GATAD1: variants seen among roughly 807,000 people sequenced by gnomAD.
GATAD1 encodes the protein GATA zinc finger domain containing 1.
In GATAD1, 12 loss-of-function variants were observed where a neutral mutation model predicts 26.5. The ratio of observed to expected loss-of-function variants is 0.45; its 90% CI spans 0.29 to 0.73. GATAD1 has a LOEUF of 0.73. Ranked by LOEUF, GATAD1 falls within the 30% of genes least tolerant of loss-of-function variation. The pLI, the probability that GATAD1 is intolerant of heterozygous loss-of-function variation, is 0.10. For missense variants in GATAD1, 266 were observed against 342.1 expected, an observed-to-expected ratio of 0.78 and a Z score of 1.75; for synonymous variants, 129 against 133.1, an observed-to-expected ratio of 0.97 and a Z score of 0.21.
the GATAD1 span, chr7:92,469,409 T>C: frequency 1.3e-6 from 1 of 771,428 alleles, no homozygotes; most frequent in Non-Finnish European, 2.4e-6. Context: ...CCTGCTCCTA[T>C]AACAAAAGGA....
chr7:92,493,093 A>T, the GATAD1 span: 1 of 1,612,210 alleles, frequency 6.2e-7, no homozygotes, highest in Non-Finnish European at 8.5e-7. Context: ...AGAGGTAGAG[A>T]GTCACTGAGG....
At chr7:92,483,350 TCA>T in the GATAD1 span, among the ~76,000 whole-genome samples, 1 of 152,242 alleles carries the variant, frequency 6.6e-6, no homozygotes, top group South Asian at 2.1e-4. Context: ...GGGGTTTCTC[TCA>T]GAGTTGAGGC....
rs1003467338 is a variant in GATAD1 at position 92,447,501 on chromosome 7, C to T, written c.-229C>T. On this transcript the variant is annotated 5_prime_UTR_variant, in exon 1 of 5. Transcript: ENST00000287957. ...AGATCCCTTTCCCAGTCCTGCTTCC[C>T]AGTGCCTCGGGCCAGGGAATCCTGG... 4.1e-4 allele frequency: 151 copies of T among 370,744 alleles called. 2 individuals are homozygous for T. The highest frequency in any genetic ancestry group is 1.1e-4 in the Non-Finnish European group (24 of 214,940). 23.0% of individuals were successfully genotyped at this position (370,744 alleles called of 1,614,324 possible). A position where few individuals can be genotyped will look rare whatever the true frequency, so the allele number is the denominator to read the frequency against.
At chr7:92,475,584 C>T in the GATAD1 span, among the ~76,000 whole-genome samples, 3 of 146,908 alleles carry the variant, frequency 2.0e-5, no homozygotes, top group Non-Finnish European at 4.5e-5. Flanking sequence ...GAGTTCCTTT[C>T]CAGGGTGCGT....
At chr7:92,489,784 G>A in the GATAD1 span, 89 of 1,613,966 alleles carry the variant, frequency 5.5e-5, no homozygotes, top group Non-Finnish European at 7.4e-5. Flanking sequence ...TTGTTCTTGT[G>A]TAAGTTCTTG....
Position 92,456,805 on chromosome 7 carries a change from T to G in GATAD1, c.*243T>G, listed in dbSNP as rs1789692965. On this transcript the variant is annotated 3_prime_UTR_variant, in exon 5 of 5. Transcript: ENST00000287957. The stretch of plus-strand genomic sequence containing the variant: ...AAGTTTTTCTCCTGCTACCTAGTAA[T>G]AAACAAATCATTGTTTATTACTGGT... 2.4e-6 allele frequency: 1 copy of G among 420,146 alleles called. No individual in the cohort carries two copies. Among genetic ancestry groups the G allele is most frequent in the Admixed American group, 4.2e-5 (1 of 23,982 alleles). The allele number at this position is 420,146 out of a possible 1,614,324, so 26.0% of individuals were successfully genotyped here. A position where few individuals can be genotyped will look rare whatever the true frequency, so the allele number is the denominator to read the frequency against.
rs1268376388 is a variant in GATAD1, at chr7:92,458,263, A to G, written c.*1701A>G. On this transcript the variant is annotated 3_prime_UTR_variant, in exon 5 of 5. Coordinates refer to ENST00000287957, the MANE Select transcript of GATAD1 (RefSeq NM_021167.5). ...TCAAAAATGAGACTTCGATCAAACC[A>G]TAAGATTTTATACTGCAGATAGTCA... is the stretch of plus-strand genomic sequence containing the variant. The G allele has an allele frequency of 6.6e-6, 1 of 152,248 alleles. No homozygotes were observed. The highest frequency in any genetic ancestry group is 1.5e-5 in the Non-Finnish European group (1 of 68,044). 9.4% of individuals were successfully genotyped at this position (152,248 alleles called of 1,614,324 possible). A position where few individuals can be genotyped will look rare whatever the true frequency, so the allele number is the denominator to read the frequency against.
Position 92,454,829 on chromosome 7 carries a change from A to G in GATAD1, c.619+144A>G, listed in dbSNP as rs1789600517. The G allele has an allele frequency of 6.8e-6, 4 of 586,388 alleles. No individual in the cohort carries two copies. In the Admixed American group the frequency reaches 1.5e-4, roughly 21 times the overall value. The allele number at this position is 586,388 out of a possible 1,614,324, so 36.3% of individuals were successfully genotyped here. A position where few individuals can be genotyped will look rare whatever the true frequency, so the allele number is the denominator to read the frequency against. ...AAACAACAGAAAGTCACTTTCTCAC[A>G]GTTGTGGAGGCTGAAGTCCAACATC... is the stretch of plus-strand genomic sequence containing the variant. On this transcript the variant is annotated intron_variant, in intron 4 of 4. Coordinates refer to ENST00000287957, the MANE Select transcript of GATAD1 (RefSeq NM_021167.5).
At chr7:92,451,165 C>G (rs1246857972) in intron 3 of GATAD1, among the ~76,000 whole-genome samples, 1 of 151,832 alleles carries the variant, frequency 6.6e-6, no homozygotes, top group African/African-American at 2.4e-5. Context: ...TAGAGTAGGC[C>G]CAGAGATTCT....
the GATAD1 span, among the ~76,000 whole-genome samples, chr7:92,473,725 A>G: frequency 1.4e-4 from 22 of 151,880 alleles, no homozygotes; most frequent in Non-Finnish European, 3.1e-4. Context: ...ACCCCCTCAG[A>G]TAGTGACAGA....
chr7:92,491,852 T>G, the GATAD1 span, among the ~76,000 whole-genome samples: 1 of 152,184 alleles, frequency 6.6e-6, no homozygotes, highest in Non-Finnish European at 1.5e-5. Context: ...TTTCTCATTA[T>G]AGAGAGCTCT....
downstream of GATAD1, among the ~76,000 whole-genome samples, chr7:92,460,359 A>G (rs1789874517): frequency 6.6e-6 from 1 of 152,158 alleles, no homozygotes; most frequent in Admixed American, 6.5e-5. Context: ...TGTGTGAGCC[A>G]TACCTTTGGT....
At chr7:92,470,296 G>A in the GATAD1 span, 3 of 778,118 alleles carry the variant, frequency 3.9e-6, no homozygotes, top group Admixed American at 1.7e-5. Context: ...GGAGCTACTG[G>A]TCATACAGCG....
At chr7:92,489,688 T>A in the GATAD1 span, 1 of 1,596,360 alleles carries the variant, frequency 6.3e-7, no homozygotes, top group African/African-American at 1.3e-5. Context: ...GTTTTAACAA[T>A]TATAATGAGG....
downstream of GATAD1, chr7:92,461,372 T>G (rs537824485): frequency 2.6e-4 from 39 of 152,378 alleles, no homozygotes; most frequent in Non-Finnish European, 5.4e-4. Flanking sequence ...AGCAACAGCC[T>G]TACACAGAGT....
rs200608757 is a variant in GATAD1 at position 92,448,876 on chromosome 7, A to T, written c.374A>T (p.Asn125Ile). 3.7e-6 allele frequency: 6 copies of T among 1,611,672 alleles called. No individual in the cohort carries two copies. The highest frequency in any genetic ancestry group is 5.1e-6 in the Non-Finnish European group (6 of 1,177,860). The part of the protein sequence containing the change: ...KGRRHIFKLK[N>I]PIKAPESVST... ...AGAAGACATATATTTAAATTGAAAAATGTAAGATATTTGTGGACAGTGCCT... is the reference window on the plus strand; with the variant it reads ...AGAAGACATATATTTAAATTGAAAATTGTAAGATATTTGTGGACAGTGCCT... Residue 125 changes from asparagine to isoleucine, a missense_variant and splice_region_variant, in exon 2 of 5, where the codon AAT becomes ATT. Asn to Ile is a moderately radical substitution (Grantham distance 149). Transcript: ENST00000287957.
At position 92,454,736 on chromosome 7, in the gene GATAD1, A is replaced by G. The variant is rs750493137; in HGVS notation, c.619+51A>G. ...TTTTTTTAACTTAGTTAACTCTCCA[A>G]TATTATGTAAAAGAGTGTGTTAGTC... On this transcript the variant is annotated intron_variant, in intron 4 of 4. Transcript: ENST00000287957. The G allele has an allele frequency of 2.1e-5, 26 of 1,261,302 alleles. No homozygotes were observed. In the East Asian group the frequency reaches 3.1e-4, roughly 15 times the overall value. 78.1% of individuals were successfully genotyped at this position (1,261,302 alleles called of 1,614,324 possible).
intron 1 of GATAD1, among the ~76,000 whole-genome samples, 196 bp from the exon 2 acceptor site, chr7:92,448,552 GAGAT>G (rs1562816960): frequency 6.6e-6 from 1 of 152,166 alleles, no homozygotes. Context: ...AGCGAGCTCC[GAGAT>G]TCCGGGTGCT....
At chr7:92,471,416 A>T in the GATAD1 span, 1 of 152,410 alleles carries the variant, frequency 6.6e-6, no homozygotes, top group Non-Finnish European at 1.5e-5. Context: ...ATCGATGCCT[A>T]AGTGAAAGGT....
Sources: gnomAD v4.1 joint callset for allele counts (sites outside exome capture counted in the v4.1 genomes callset) on GRCh38, gnomAD v4.1.1 for gene constraint, MANE v1.5 for transcripts, NCBI Gene and HGNC (gene_info 2026-07-23, HGNC 2026-07-21) for gene names.